IGSF10: variants seen among roughly 807,000 people sequenced by gnomAD.
IGSF10 encodes the protein immunoglobulin superfamily member 10.
IGSF10 carries 126 observed loss-of-function variants against 128.2 expected under a neutral mutation model. The observed-to-expected ratio is 0.98, with a 90% CI of 0.85 to 1.14. IGSF10 has a LOEUF of 1.14. Ranked by LOEUF, IGSF10 falls within the 50% of genes most tolerant of loss-of-function variation. IGSF10 has a pLI of 0.00. For missense variants in IGSF10, 3,295 were observed against 3,149.8 expected, an observed-to-expected ratio of 1.05 and a Z score of -1.10; for synonymous variants, 1,185 against 1,146.2, an observed-to-expected ratio of 1.03 and a Z score of -0.68.
chr3:151,603,054 C>A, the IGSF10 span, among the ~76,000 whole-genome samples: 39 of 152,306 alleles, frequency 2.6e-4, no homozygotes, highest in Admixed American at 2.4e-3. Flanking sequence ...CTAGTCAATC[C>A]TGTGCTTTAA....
At position 151,457,426 on chromosome 3, in the gene IGSF10, T is replaced by A. The variant is rs149284121; in HGVS notation, c.195-271A>T. 5.8e-3 allele frequency among the ~76,000 whole-genome samples: 889 copies of A among 152,300 alleles called. 5 individuals carry two copies. The highest frequency in any genetic ancestry group is 9.6e-3 in the Non-Finnish European group (651 of 68,004). On this transcript the variant is annotated intron_variant, in intron 3 of 7. Coordinates refer to ENST00000282466, the MANE Select transcript of IGSF10 (RefSeq NM_178822.5). The stretch of plus-strand genomic sequence containing the variant: ...TTTTCAAACTTTTATATATATGCTG[T>A]TCCCTCAGGTTGGAATGCCCTTGAC...
In IGSF10 at chr3:151,448,105, T is replaced by A; in HGVS notation, c.1876A>T (p.Asn626Tyr). Residue 626 changes from asparagine (N) to tyrosine (Y), a missense_variant, in exon 6 of 8, where the codon AAC (asparagine) becomes TAC (tyrosine). Physicochemically the swap from Asn to Tyr is moderately radical, Grantham distance 143. Coordinates refer to ENST00000282466, the MANE Select transcript of IGSF10 (RefSeq NM_178822.5). Reference sequence around the variant, plus strand: ...TGTAATATTCTTAATGTGCCATTGTTTAGAACTTTCTTGTCTCTTGATGAC... The same window carrying A: ...TGTAATATTCTTAATGTGCCATTGTATAGAACTTTCTTGTCTCTTGATGAC... ...YQSSRDKKVL[N>Y]NGTLRILQVT... The A allele has an allele frequency of 6.2e-7, 1 of 1,614,210 alleles. No homozygotes were observed.
the IGSF10 span, among the ~76,000 whole-genome samples, chr3:151,500,141 G>T: frequency 6.6e-6 from 1 of 152,056 alleles, no homozygotes; most frequent in Non-Finnish European, 1.5e-5. Context: ...TAGCACCTTG[G>T]TAGCTCAAAT....
the IGSF10 span, among the ~76,000 whole-genome samples, chr3:151,479,888 A>T: frequency 6.6e-6 from 1 of 152,204 alleles, no homozygotes; most frequent in Non-Finnish European, 1.5e-5. Flanking sequence ...CAGTCTATAG[A>T]AACTTATTAT....
chr3:151,497,068 G>T, the IGSF10 span, among the ~76,000 whole-genome samples: 1 of 152,152 alleles, frequency 6.6e-6, no homozygotes, highest in Non-Finnish European at 1.5e-5. Context: ...GTAGATTCTG[G>T]ATATTAGCCC....
chr3:151,462,454 A>T (rs1399499071), upstream of IGSF10, among the ~76,000 whole-genome samples: 1 of 152,236 alleles, frequency 6.6e-6, no homozygotes, highest in Non-Finnish European at 1.5e-5. Flanking sequence ...CTTCTGAAAA[A>T]TGTTTTACAA....
At chr3:151,502,657 AT>A in the IGSF10 span, among the ~76,000 whole-genome samples, 6 of 151,892 alleles carry the variant, frequency 4.0e-5, no homozygotes, top group African/African-American at 1.4e-4. Context: ...AATTTTTTCT[AT>A]TACTTTAAAA....
chr3:151,436,431 G>A lies in IGSF10; in HGVS notation c.*258C>T, dbSNP rs185240266. 3.3e-4 allele frequency: 111 copies of A among 333,640 alleles called. 1 individual carries two copies. The highest frequency in any genetic ancestry group is 1.4e-4 in the South Asian group (3 of 20,870). 20.7% of individuals were successfully genotyped at this position (333,640 alleles called of 1,614,324 possible). A position where few individuals can be genotyped will look rare whatever the true frequency, so the allele number is the denominator to read the frequency against. On this transcript the variant is annotated 3_prime_UTR_variant, in exon 8 of 8. Transcript: ENST00000282466. ...GCCATTTGTTATTTTATAGTGAACC[G>A]TTTCAATGTTTGTTTATTGTTATTT...
rs1002226539 is a variant in IGSF10 at position 151,448,596 on chromosome 3, C to T, written c.1385G>A (p.Arg462Lys). The T allele has an allele frequency of 1.9e-6, 3 of 1,613,970 alleles. No homozygotes were observed. Among genetic ancestry groups the T allele is most frequent in the African/African-American group, 2.7e-5 (2 of 74,906 alleles). The part of the protein sequence containing the change: ...YSSDAQITLP[R>K]AEMRPVKHKW... ...GTGTTTCACTGGCCTCATCTCTGCT[C>T]TTGGTAAAGTGATTTGAGCATCACT... The change falls in exon 6 of 8, where the codon AGA becomes AAA. Residue 462 changes from arginine (R) to lysine (K), a missense_variant. Physicochemically the swap from Arg to Lys is conservative, Grantham distance 26. Coordinates refer to ENST00000282466, the MANE Select transcript of IGSF10 (RefSeq NM_178822.5).
rs747841426 is a variant in IGSF10 at position 151,446,613 on chromosome 3, G to A, written c.3368C>T (p.Thr1123Ile). 6.2e-7 allele frequency: 1 copy of A among 1,614,140 alleles called. No individual in the cohort carries two copies. The highest frequency in any genetic ancestry group is 1.7e-5 in the Admixed American group (1 of 60,022). The change falls in exon 6 of 8, where the codon ACA becomes ATA. Residue 1123 changes from threonine (T) to isoleucine (I), a missense_variant. Coordinates refer to ENST00000282466, the MANE Select transcript of IGSF10 (RefSeq NM_178822.5). ...LENKPSVEKT[T>I]PTIKYFRTEI... ...AGTCCTGAAATATTTTATTGTGGGT[G>A]TTGTTTTCTCTACACTGGGTTTGTT...
the IGSF10 span, among the ~76,000 whole-genome samples, chr3:151,589,677 T>C: frequency 1.3e-5 from 2 of 152,194 alleles, no homozygotes; most frequent in African/African-American, 4.8e-5. Context: ...TTTTATGTCA[T>C]GCCAACTAGA....
In IGSF10 at chr3:151,438,527, C is replaced by T. The variant is rs1720593967; in HGVS notation, c.6034G>A (p.Gly2012Ser). The T allele has an allele frequency of 1.2e-6, 2 of 1,613,876 alleles. No individual in the cohort carries two copies. The highest frequency in any genetic ancestry group is 1.1e-5 in the South Asian group (1 of 91,086). ...FIGSVTEKDS[G>S]VYLCVARNKM... ...TTTCTTGCCACACACAAGTAGACAC[C>T]ACTGTCTTTTTCTGTTACTGATCCA... Residue 2012 changes from glycine (G) to serine (S), a missense_variant, in exon 8 of 8, where the codon GGT becomes AGT. Physicochemically the swap from Gly to Ser is moderately conservative, Grantham distance 56. Transcript: ENST00000282466.
At chr3:151,500,790 C>A in the IGSF10 span, among the ~76,000 whole-genome samples, 23 of 152,044 alleles carry the variant, frequency 1.5e-4, no homozygotes, top group Admixed American at 1.5e-3. Context: ...AATGAGCAGC[C>A]ATTTATGGGG....
chr3:151,557,350 T>G, the IGSF10 span, among the ~76,000 whole-genome samples: 2 of 152,252 alleles, frequency 1.3e-5, no homozygotes, highest in South Asian at 4.1e-4. Flanking sequence ...TCTCCTGGCC[T>G]CTGGTGTGGT....
chr3:151,604,588 A>G, the IGSF10 span, among the ~76,000 whole-genome samples: 1 of 121,866 alleles, frequency 8.2e-6, no homozygotes, highest in African/African-American at 3.4e-5. Flanking sequence ...ATTTGTACCA[A>G]TATAACACAC....
At chr3:151,581,388 T>C in the IGSF10 span, among the ~76,000 whole-genome samples, 4 of 152,212 alleles carry the variant, frequency 2.6e-5, no homozygotes, top group African/African-American at 7.2e-5. Context: ...AATTATAGTT[T>C]TTTTTTAAAC....
At chr3:151,609,314 T>C in the IGSF10 span, among the ~76,000 whole-genome samples, 11 of 152,222 alleles carry the variant, frequency 7.2e-5, no homozygotes, top group East Asian at 1.2e-3. Flanking sequence ...AAGTAGCTTA[T>C]GCTAGAGTTG....
intron 5 of IGSF10, among the ~76,000 whole-genome samples, chr3:151,450,422 G>A (rs775948186): frequency 3.3e-5 from 5 of 152,168 alleles, no homozygotes; most frequent in African/African-American, 4.8e-5. Flanking sequence ...GTGTGCACAT[G>A]TCCTCTCAAA....
At chr3:151,589,601 C>A in the IGSF10 span, among the ~76,000 whole-genome samples, 7 of 152,254 alleles carry the variant, frequency 4.6e-5, no homozygotes, top group South Asian at 1.2e-3. Context: ...CACTTGTCTG[C>A]GACTTGAGGA....
Sources: allele counts gnomAD v4.1 joint callset (sites outside exome capture counted in the v4.1 genomes callset), GRCh38; gene constraint gnomAD v4.1.1; transcripts MANE v1.5; gene names NCBI Gene and HGNC (gene_info 2026-07-23, HGNC 2026-07-21).